The following CDH23 variants were observed in gnomAD, a reference collection of about 807,000 sequenced individuals.
CDH23 encodes the protein cadherin related 23, also known as cadherin-23.
Under a neutral mutation model 317.1 loss-of-function variants are expected in CDH23, and 189 were observed. The observed-to-expected ratio is 0.60, with a 90% CI of 0.53 to 0.67. The LOEUF (loss-of-function observed/expected upper bound fraction) is 0.67, where lower values mean the gene tolerates loss of function less well. CDH23 is among the 30% of genes least tolerant of loss of function. CDH23 has a pLI of 0.00. For missense variants in CDH23, 4,401 were observed against 4,592.4 expected, an observed-to-expected ratio of 0.96 and a Z score of 1.20; for synonymous variants, 1,839 against 1,876.8, an observed-to-expected ratio of 0.98 and a Z score of 0.52.
At chr10:71,745,469 G>C (rs1055355220) in intron 38 of CDH23, among the ~76,000 whole-genome samples, 26 of 152,130 alleles carry the variant, frequency 1.7e-4, no homozygotes, top group African/African-American at 4.8e-4. Flanking sequence ...CAGTGTATAT[G>C]GGACTCGCCA....
At chr10:71,655,499 T>C (rs1863379071) in intron 14 of CDH23, among the ~76,000 whole-genome samples, 1 of 152,180 alleles carries the variant, frequency 6.6e-6, no homozygotes, top group Admixed American at 6.5e-5. Context: ...TCCTGGTAAC[T>C]GGCATGTGTC....
intron 17 of CDH23, 45 bp from the exon 18 acceptor site, chr10:71,682,400 T>TCTGTAAG (rs1198712018): frequency 6.2e-7 from 1 of 1,603,494 alleles, no homozygotes; most frequent in Admixed American, 1.7e-5. Context: ...GACGGGCATC[T>TCTGTAAG]CAAGTCTGCT....
Position 71,587,160 on chromosome 10 carries a change from T to C in CDH23, c.832+9168T>C, listed in dbSNP as rs1033281706. ...CTCATGAAACATGCTTAGGGCCGCA[T>C]GGCAAATGAGCGGCAGATCCAGGAT... On this transcript the variant is annotated intron_variant, in intron 9 of 69. Transcript: ENST00000224721. 1.1e-4 allele frequency among the ~76,000 whole-genome samples: 16 copies of C among 152,366 alleles called. No homozygotes were observed. In the East Asian group the frequency reaches 2.9e-3, roughly 28 times the overall value.
rs561200769 is a variant in CDH23, at chr10:71,573,888, A to G, written c.753+2970A>G. On this transcript the variant is annotated intron_variant, in intron 8 of 69. Transcript: ENST00000224721. ...CTTCCTCCAGTCTCCACACTTGAGG[A>G]GTTCTCAGGTTCCCTCGCCTCTTGC... is the stretch of plus-strand genomic sequence containing the variant. Among the ~76,000 whole-genome samples the G allele has an allele frequency of 1.4e-4, 21 of 152,250 alleles. No individual in the cohort carries two copies. In the South Asian group the frequency reaches 3.7e-3, roughly 27 times the overall value.
chr10:71,407,836 T>G (rs1463588099), intron 1 of CDH23, among the ~76,000 whole-genome samples: 1 of 152,214 alleles, frequency 6.6e-6, no homozygotes, highest in Non-Finnish European at 1.5e-5. Context: ...TGATAGTCCT[T>G]TCATTGACCC....
At chr10:71,806,769 T>C (rs1403170194) in intron 57 of CDH23, among the ~76,000 whole-genome samples, 1 of 151,974 alleles carries the variant, frequency 6.6e-6, no homozygotes, top group East Asian at 1.9e-4. Context: ...TAGAGACGGG[T>C]TTTTGCCATG....
intron 9 of CDH23, among the ~76,000 whole-genome samples, chr10:71,610,761 T>G (rs1028606445): frequency 3.7e-5 from 5 of 135,964 alleles, no homozygotes; most frequent in African/African-American, 1.5e-4. Flanking sequence ...TCCCAGCCTC[T>G]CTCTTGCAAA....
At position 71,709,178 on chromosome 10, in the gene CDH23, A is replaced by T. The variant is rs1865888433; in HGVS notation, c.3187A>T (p.Thr1063Ser). 2 of 1,613,840 alleles carry T rather than the reference A, an allele frequency of 1.2e-6. No homozygotes were observed. The highest frequency in any genetic ancestry group is 3.3e-5 in the Admixed American group (2 of 60,006). Reference sequence around the variant, plus strand: ...CGTGGTGGGCCTGGACCGGGAGACCACAGCCGCCTACATGCTCATCCTGGA... The same window carrying T: ...CGTGGTGGGCCTGGACCGGGAGACCTCAGCCGCCTACATGCTCATCCTGGA... The part of the protein sequence containing the change: ...RTVVGLDRET[T>S]AAYMLILEAI... The change falls in exon 27 of 70, where the codon ACA becomes TCA. Residue 1063 changes from threonine (T) to serine (S), a missense_variant. Physicochemically the swap from Thr to Ser is moderately conservative, Grantham distance 58. Around this residue, in one of 3 missense-constraint regions of CDH23, gnomAD observed 3,068 missense variants for 3,203.3 expected, o/e 0.96. Coordinates refer to ENST00000224721, the MANE Select transcript of CDH23 (RefSeq NM_022124.6).
intron 6 of CDH23, among the ~76,000 whole-genome samples, chr10:71,561,895 G>A (rs1163589956): frequency 2.6e-5 from 4 of 152,116 alleles, no homozygotes; most frequent in African/African-American, 9.7e-5. Context: ...GCAGAGAAGT[G>A]GGTCAAGAGG....
intron 7 of CDH23, among the ~76,000 whole-genome samples, chr10:71,569,205 C>T (rs1283344167): frequency 6.6e-6 from 1 of 152,244 alleles, no homozygotes; most frequent in Non-Finnish European, 1.5e-5. Flanking sequence ...ACCTTCCTCT[C>T]CCTTGCAGCA....
chr10:71,545,112 T>A lies in CDH23; in HGVS notation c.430-21630T>A, dbSNP rs118172426. On this transcript the variant is annotated intron_variant, in intron 6 of 69. Coordinates refer to ENST00000224721, the MANE Select transcript of CDH23 (RefSeq NM_022124.6). ...CAGCCATTAGGCCAGAAGCACCAGA[T>A]GCAATAGCTTGAAAGAGACAGCAGT... 2.6e-3 allele frequency among the ~76,000 whole-genome samples: 390 copies of A among 152,314 alleles called. 1 individual carries two copies. The highest frequency in any genetic ancestry group is 0.017 in the East Asian group (86 of 5,178).
chr10:71,451,593 C>G (rs1253595055), intron 3 of CDH23, among the ~76,000 whole-genome samples: 1 of 152,236 alleles, frequency 6.6e-6, no homozygotes, highest in Non-Finnish European at 1.5e-5. Context: ...CAGGCTCTTT[C>G]AGATGCCACC....
chr10:71,439,952 C>A, intron 2 of CDH23, 54 bp downstream of exon 2: 1 of 1,408,388 alleles, frequency 7.1e-7, no homozygotes, highest in Non-Finnish European at 9.8e-7. Context: ...CACGGGAGGC[C>A]AGGCTGGAGG....
At chr10:71,657,514 A>G (rs1439071596) in intron 14 of CDH23, among the ~76,000 whole-genome samples, 2 of 152,220 alleles carry the variant, frequency 1.3e-5, no homozygotes, top group Non-Finnish European at 2.9e-5. Context: ...AAACTTGCCA[A>G]CGTGAATTAT....
intron 14 of CDH23, among the ~76,000 whole-genome samples, chr10:71,666,232 C>T (rs896703024): frequency 6.6e-6 from 1 of 151,998 alleles, no homozygotes; most frequent in Non-Finnish European, 1.5e-5. Flanking sequence ...TGTTCTACGG[C>T]CTCCCACATG....
intron 4 of CDH23, 86 bp downstream of exon 4, chr10:71,510,310 G>C: frequency 1.3e-6 from 2 of 1,492,590 alleles, no homozygotes; most frequent in Non-Finnish European, 1.8e-6. Context: ...ATCTTTTGGC[G>C]TCTTCCTCTA....
chr10:71,808,269 T>TC (rs1841803540), intron 60 of CDH23, among the ~76,000 whole-genome samples: 1 of 152,232 alleles, frequency 6.6e-6, no homozygotes, highest in African/African-American at 2.4e-5. Flanking sequence ...TATCCGTCCA[T>TC]CCATGTATCC....
intron 38 of CDH23, chr10:71,749,248 A>G (rs1490459330): frequency 6.6e-6 from 1 of 152,012 alleles, no homozygotes; most frequent in East Asian, 1.9e-4. Context: ...TCCTGTCCCC[A>G]CTCCTGCCAT....
chr10:71,720,007 G>A (rs1183640029), intron 28 of CDH23, among the ~76,000 whole-genome samples: 4 of 152,240 alleles, frequency 2.6e-5, no homozygotes, highest in African/African-American at 9.6e-5. Flanking sequence ...CGCAGGGGGA[G>A]GGTTTTACTG....
Sources: allele counts gnomAD v4.1 joint callset (sites outside exome capture counted in the v4.1 genomes callset), GRCh38; gene constraint gnomAD v4.1.1; regional missense constraint gnomAD v4.1.1; transcripts MANE v1.5; gene names NCBI Gene and HGNC (gene_info 2026-07-23, HGNC 2026-07-21).